Variants in PDE4B observed in about 807,000 individuals in gnomAD.
The protein encoded by PDE4B is 3',5'-cyclic-AMP phosphodiesterase 4B.
Under a neutral mutation model 82.2 loss-of-function variants are expected in PDE4B, and 20 were observed. The observed-to-expected ratio is 0.24, with a 90% CI of 0.17 to 0.35. The LOEUF (loss-of-function observed/expected upper bound fraction) is 0.35. Ranked by LOEUF, PDE4B falls within the 10% of genes least tolerant of loss-of-function variation. PDE4B has a pLI of 1.00. For synonymous variants in PDE4B, 320 were observed against 318.9 expected (o/e 1.00, Z -0.04); for missense variants, 655 against 907.2 (o/e 0.72, Z 3.57).
At chr1:66,015,947 G>C (rs977809076) in intron 3 of PDE4B, among the ~76,000 whole-genome samples, 2 of 152,008 alleles carry the variant, frequency 1.3e-5, no homozygotes, top group African/African-American at 4.8e-5. Flanking sequence ...TATATTCTAG[G>C]CACCATTATA....
At chr1:66,349,364 G>A (rs919953116) in intron 8 of PDE4B, among the ~76,000 whole-genome samples, 3 of 152,110 alleles carry the variant, frequency 2.0e-5, no homozygotes, top group Non-Finnish European at 4.4e-5. Context: ...TGATTACTAC[G>A]TTGCTGAGCA....
At chr1:66,254,283 A>G (rs1202169610) in intron 4 of PDE4B, among the ~76,000 whole-genome samples, 2 of 152,174 alleles carry the variant, frequency 1.3e-5, no homozygotes, top group Non-Finnish European at 1.5e-5. Context: ...AAGAATCAGA[A>G]CAAACCACAA....
intron 3 of PDE4B, among the ~76,000 whole-genome samples, chr1:66,232,354 C>A (rs187653336): frequency 6.6e-6 from 1 of 152,294 alleles, no homozygotes; most frequent in Admixed American, 6.5e-5. Context: ...CATTTTCAGA[C>A]CTTTATCTGT....
chr1:66,066,258 GAT>G (rs1406059814), intron 3 of PDE4B, among the ~76,000 whole-genome samples: 1 of 151,678 alleles, frequency 6.6e-6, no homozygotes, highest in African/African-American at 2.4e-5. Context: ...TTAGTAATGA[GAT>G]AGTCCCTACC....
chr1:66,187,618 C>A (rs1439530054), intron 3 of PDE4B, among the ~76,000 whole-genome samples: 8 of 152,212 alleles, frequency 5.3e-5, no homozygotes, highest in Admixed American at 2.0e-4. Context: ...AGTTTATTTG[C>A]GTAGAGGTGT....
intron 1 of PDE4B, among the ~76,000 whole-genome samples, chr1:65,825,717 T>C (rs1179766927): frequency 1.3e-5 from 2 of 150,030 alleles, no homozygotes; most frequent in East Asian, 4.2e-4. Flanking sequence ...TATCTATCTA[T>C]CTATCTATCT....
chr1:65,910,619 A>G (rs765818459), intron 1 of PDE4B, among the ~76,000 whole-genome samples: 1 of 152,206 alleles, frequency 6.6e-6, no homozygotes, highest in Non-Finnish European at 1.5e-5. Flanking sequence ...GGGCTATGAA[A>G]TACCAGGAGG....
chr1:66,044,856 A>G (rs1645874357), intron 3 of PDE4B, among the ~76,000 whole-genome samples: 1 of 151,790 alleles, frequency 6.6e-6, no homozygotes, highest in African/African-American at 2.4e-5. Context: ...GATCATTATT[A>G]TAAACATCAG....
intron 3 of PDE4B, among the ~76,000 whole-genome samples, chr1:66,006,936 C>T (rs915448709): frequency 1.3e-5 from 2 of 151,904 alleles, no homozygotes; most frequent in Non-Finnish European, 2.9e-5. Flanking sequence ...TGAGAATAGA[C>T]TAATACAGTG....
intron 14 of PDE4B, 29 bp from the exon 15 acceptor site, chr1:66,367,914 T>TA: frequency 3.7e-6 from 6 of 1,613,196 alleles, no homozygotes; most frequent in Non-Finnish European, 5.1e-6. Context: ...CTGAATTTAT[T>TA]AAGAGTTTTC....
intron 6 of PDE4B, among the ~76,000 whole-genome samples, chr1:66,258,306 T>C (rs1654408774): frequency 6.6e-6 from 1 of 152,246 alleles, no homozygotes; most frequent in African/African-American, 2.4e-5. Flanking sequence ...AACAAGTTCA[T>C]GCAGTTTAAT....
At chr1:65,852,908 G>C (rs1390125604) in intron 1 of PDE4B, among the ~76,000 whole-genome samples, 2 of 151,942 alleles carry the variant, frequency 1.3e-5, no homozygotes, top group Admixed American at 6.6e-5. Context: ...TAAATTTATT[G>C]ATAATGTTAA....
intron 1 of PDE4B, among the ~76,000 whole-genome samples, chr1:65,832,081 T>C (rs1570988705): frequency 6.6e-6 from 1 of 152,172 alleles, no homozygotes; most frequent in East Asian, 1.9e-4. Context: ...GATTCCACTA[T>C]ATTGCTGTGA....
intron 8 of PDE4B, among the ~76,000 whole-genome samples, chr1:66,345,642 TTAATC>T (rs1661337773): frequency 6.6e-6 from 1 of 152,178 alleles, no homozygotes; most frequent in Non-Finnish European, 1.5e-5. Context: ...GTTCAGAAAC[TTAATC>T]TAATTTGTCC....
chr1:66,258,538 G>A (rs1654434081), intron 6 of PDE4B, among the ~76,000 whole-genome samples: 2 of 152,138 alleles, frequency 1.3e-5, no homozygotes, highest in Admixed American at 6.6e-5. Context: ...GTATCACAAA[G>A]GTCAGAGAGT....
intron 2 of PDE4B, among the ~76,000 whole-genome samples, chr1:65,914,470 C>CTTTT (rs34161281): frequency 6.9e-6 from 1 of 145,056 alleles, no homozygotes; most frequent in Non-Finnish European, 1.5e-5. Flanking sequence ...TCTTCTTCTT[C>CTTTT]TTTTTTTTTT....
intron 3 of PDE4B, among the ~76,000 whole-genome samples, chr1:65,958,673 T>C (rs531631897): frequency 2.9e-4 from 44 of 152,174 alleles, no homozygotes; most frequent in Non-Finnish European, 5.4e-4. Context: ...TTTAATGTTA[T>C]GTTTTTTCTA....
chr1:65,999,329 C>T (rs1025242855), intron 3 of PDE4B, among the ~76,000 whole-genome samples: 31 of 152,166 alleles, frequency 2.0e-4, no homozygotes, highest in African/African-American at 7.2e-4. Flanking sequence ...AAATCTCAAA[C>T]GCTTACCATG....
chr1:66,185,367 T>G (rs917758648), intron 3 of PDE4B, among the ~76,000 whole-genome samples: 25 of 152,226 alleles, frequency 1.6e-4, no homozygotes, highest in Non-Finnish European at 2.6e-4. Flanking sequence ...GTAATGGGAT[T>G]GCTGGGTCAA....
Sources: gnomAD v4.1 joint callset for allele counts (sites outside exome capture counted in the v4.1 genomes callset) on GRCh38, gnomAD v4.1.1 for gene constraint, MANE v1.5 for transcripts, NCBI Gene and HGNC (gene_info 2026-07-23, HGNC 2026-07-21) for gene names.